Variants in PDCD10 observed in about 807,000 individuals in gnomAD.
The protein encoded by PDCD10 is programmed cell death protein 10.
PDCD10 carries 4 observed loss-of-function variants against 29.2 expected under a neutral mutation model. That is an observed-to-expected ratio of 0.14 (90% confidence interval 0.07 to 0.31). The LOEUF (loss-of-function observed/expected upper bound fraction) is 0.31. Ranked by LOEUF, PDCD10 falls within the 10% of genes least tolerant of loss-of-function variation. The pLI, the probability that PDCD10 is intolerant of heterozygous loss-of-function variation, is 1.00. For missense variants in PDCD10, 183 were observed against 257.9 expected, an observed-to-expected ratio of 0.71 and a Z score of 1.99; for synonymous variants, 70 against 82.2, an observed-to-expected ratio of 0.85 and a Z score of 0.80.
intron 2 of PDCD10, 41 bp downstream of exon 2, chr3:167,734,173 A>T (rs923440948): frequency 1.3e-5 from 2 of 152,178 alleles, no homozygotes; most frequent in South Asian, 4.1e-4. Context: ...AGCATCCCAA[A>T]ATGAAAGCGC....
intron 6 of PDCD10, among the ~76,000 whole-genome samples, chr3:167,694,056 A>G (rs988442344): frequency 2.6e-5 from 4 of 152,196 alleles, no homozygotes; most frequent in African/African-American, 4.8e-5. Flanking sequence ...TGGAATGTTA[A>G]GCTGACACCC....
At chr3:167,709,290 A>G (rs898799531) in intron 3 of PDCD10, among the ~76,000 whole-genome samples, 1 of 152,218 alleles carries the variant, frequency 6.6e-6, no homozygotes, top group East Asian at 1.9e-4. Context: ...GAGCAATCAT[A>G]GTACCTGGTT....
intron 2 of PDCD10, among the ~76,000 whole-genome samples, chr3:167,722,057 C>A (rs966412030): frequency 6.6e-6 from 1 of 151,756 alleles, no homozygotes; most frequent in South Asian, 2.1e-4. Flanking sequence ...GGGAAAACTT[C>A]ATAATAAAAA....
At chr3:167,692,200 T>C (rs1343536955) in intron 6 of PDCD10, among the ~76,000 whole-genome samples, 1 of 152,236 alleles carries the variant, frequency 6.6e-6, no homozygotes, top group Non-Finnish European at 1.5e-5. Context: ...TGACAATTTA[T>C]CCTTTTACAG....
intron 6 of PDCD10, chr3:167,694,475 CTCTTT>C (rs1203726870): frequency 6.5e-6 from 1 of 154,952 alleles, no homozygotes; most frequent in African/African-American, 2.4e-5. Context: ...CTACTCTTTT[CTCTTT>C]TGTTTGCACT....
At chr3:167,693,859 G>A (rs1350941500) in intron 6 of PDCD10, among the ~76,000 whole-genome samples, 1 of 152,142 alleles carries the variant, frequency 6.6e-6, no homozygotes, top group Admixed American at 6.5e-5. Context: ...TGGAGGCTGA[G>A]GTGGAAGGAC....
chr3:167,694,301 T>C, intron 6 of PDCD10: 1 of 193,464 alleles, frequency 5.2e-6, no homozygotes, highest in Non-Finnish European at 1.1e-5. Flanking sequence ...CTGGATTATG[T>C]AAGAAGAGAG....
chr3:167,698,753 T>C (rs898571534), intron 4 of PDCD10, among the ~76,000 whole-genome samples: 1 of 151,122 alleles, frequency 6.6e-6, no homozygotes, highest in East Asian at 1.9e-4. Flanking sequence ...ACATTCTCTA[T>C]GTGCTTGCAG....
rs765249687 is a variant in PDCD10, at chr3:167,687,693, C to T, written c.396G>A (p.Lys132=). 16 of 1,508,448 alleles carry T rather than the reference C, an allele frequency of 1.1e-5. No individual in the cohort carries two copies. In the South Asian group the frequency reaches 1.8e-4, roughly 17 times the overall value. The allele number at this position is 1,508,448 out of a possible 1,614,324, so 93.4% of individuals were successfully genotyped here. Reference sequence around the variant, plus strand: ...GTTCTTTTATTGCACTAGCTATATCCCTGTTGGGAAAAGAATAAAGAATAT... The same window carrying T: ...GTTCTTTTATTGCACTAGCTATATCTCTGTTGGGAAAAGAATAAAGAATAT... The part of the protein sequence containing the change: ...NDRVRFLQTI[K]DIASAIKELL... The change falls in exon 7 of 9, where the codon AAG becomes AAA. Residue 132 remains lysine, a splice_region_variant and synonymous_variant. Coordinates refer to ENST00000392750, the MANE Select transcript of PDCD10 (RefSeq NM_007217.4).
chr3:167,734,800 C>T lies in PDCD10; in HGVS notation c.-392G>A, dbSNP rs995550375. 2 of 153,710 alleles carry T rather than the reference C, an allele frequency of 1.3e-5. No individual in the cohort carries two copies. Among genetic ancestry groups the T allele is most frequent in the Non-Finnish European group, 2.9e-5 (2 of 68,926 alleles). The allele number at this position is 153,710 out of a possible 1,614,324, so 9.5% of individuals were successfully genotyped here. On this transcript the variant is annotated 5_prime_UTR_variant, in exon 1 of 9. It adds an upstream start codon to the 5' untranslated region. Transcript: ENST00000392750. Reference sequence around the variant, plus strand: ...CGGGGACTGGGACAGAACAGCTACACCTTACCAGCAACTGAGGCACTGACT... The same window carrying T: ...CGGGGACTGGGACAGAACAGCTACATCTTACCAGCAACTGAGGCACTGACT...
intron 2 of PDCD10, among the ~76,000 whole-genome samples, chr3:167,726,215 C>A (rs1481195334): frequency 6.7e-6 from 1 of 149,310 alleles, no homozygotes; most frequent in African/African-American, 2.5e-5. Flanking sequence ...ATTCCCCTTC[C>A]TCAGCCTCTC....
At position 167,731,086 on chromosome 3, in the gene PDCD10, T is replaced by C. The variant is rs188854129; in HGVS notation, c.-117+3128A>G. The C allele has an allele frequency of 2.3e-3, 346 of 152,302 alleles. 2 individuals carry two copies. The highest frequency in any genetic ancestry group is 7.7e-3 in the African/African-American group (322 of 41,574). The allele number at this position is 152,302 out of a possible 1,614,324, so 9.4% of individuals were successfully genotyped here. On this transcript the variant is annotated intron_variant, in intron 2 of 8. Transcript: ENST00000392750. ...TCCAGTACCAACGTTCTGGAAACTC[T>C]AGCAATTTAATTAAACTTTTTTTAG... is the stretch of plus-strand genomic sequence containing the variant.
intron 2 of PDCD10, among the ~76,000 whole-genome samples, chr3:167,728,869 T>C (rs1272971891): frequency 1.3e-5 from 2 of 152,228 alleles, no homozygotes; most frequent in Non-Finnish European, 2.9e-5. Flanking sequence ...TACAGTGACA[T>C]GTCACACTGC....
intron 5 of PDCD10, 102 bp downstream of exon 5, chr3:167,696,907 G>GA (rs1290216791): frequency 1.3e-6 from 1 of 769,568 alleles, no homozygotes; most frequent in African/African-American, 1.7e-5. Context: ...GGGAGGGAGG[G>GA]AAAACAGTAG....
intron 6 of PDCD10, among the ~76,000 whole-genome samples, chr3:167,688,898 C>T (rs567103420): frequency 2.2e-4 from 33 of 152,076 alleles, no homozygotes; most frequent in African/African-American, 8.0e-4. Context: ...TGGGTGTTTC[C>T]CAGCATATTT....
chr3:167,693,991 C>T (rs9874979), intron 6 of PDCD10, among the ~76,000 whole-genome samples: 39,711 of 151,782 alleles, frequency 0.26, 5,618 homozygotes, highest in African/African-American at 0.36. Flanking sequence ...TGCGACTCCA[C>T]TTTGCCATTT....
At chr3:167,701,323 A>C (rs1188082837) in intron 4 of PDCD10, among the ~76,000 whole-genome samples, 2 of 152,194 alleles carry the variant, frequency 1.3e-5, no homozygotes, top group African/African-American at 4.8e-5. Flanking sequence ...ATATATATAG[A>C]TATCAGAGAT....
rs1724155943 is a variant in PDCD10 at position 167,726,203 on chromosome 3, C to T, written c.-116-5930G>A. On this transcript the variant is annotated intron_variant, in intron 2 of 8. Coordinates refer to ENST00000392750, the MANE Select transcript of PDCD10 (RefSeq NM_007217.4). ...TGGCGTACCTCCACCCAGGTTCAAGCGATTCCCCTTCCTCAGCCTCTCGAG... is the reference window on the plus strand; with the variant it reads ...TGGCGTACCTCCACCCAGGTTCAAGTGATTCCCCTTCCTCAGCCTCTCGAG... Among the ~76,000 whole-genome samples the T allele has an allele frequency of 2.8e-5, 4 of 142,302 alleles. No individual in the cohort carries two copies. The South Asian group carries it at 8.9e-4, about 32-fold the overall frequency. The allele number at this position is 142,302 out of a possible 152,430, so 93.4% of individuals were successfully genotyped here.
chr3:167,725,593 A>G (rs1316431621), intron 2 of PDCD10: 2 of 151,866 alleles, frequency 1.3e-5, no homozygotes, highest in East Asian at 1.9e-4. Context: ...TACATCTTCT[A>G]TAATTCAATG....
Sources: allele counts gnomAD v4.1 joint callset (sites outside exome capture counted in the v4.1 genomes callset), GRCh38; gene constraint gnomAD v4.1.1; transcripts MANE v1.5; gene names NCBI Gene and HGNC (gene_info 2026-07-23, HGNC 2026-07-21).